EGFL6: variants seen among roughly 807,000 people sequenced by gnomAD.
EGFL6 encodes epidermal growth factor-like protein 6.
EGFL6 carries 42 observed loss-of-function variants against 43.1 expected under a neutral mutation model. The ratio of observed to expected loss-of-function variants is 0.98; its 90% CI spans 0.76 to 1.26. The LOEUF is 1.26. Ranked by LOEUF, EGFL6 falls within the 50% of genes most tolerant of loss-of-function variation. The pLI is 0.00. For synonymous variants in EGFL6, 164 were observed against 163.2 expected, an observed-to-expected ratio of 1.01 and a Z score of -0.04; for missense variants, 429 against 427.8, an observed-to-expected ratio of 1.00 and a Z score of -0.02.
intron 11 of EGFL6, among the ~76,000 whole-genome samples, chrX:13,631,601 G>T (rs1026708720): frequency 9.0e-6 from 1 of 110,584 alleles, no homozygotes; most frequent in Admixed American, 9.7e-5. Context: ...GGCCAACATG[G>T]TGAAACCCTG....
chrX:13,597,832 A>C (rs1352183724), intron 3 of EGFL6, among the ~76,000 whole-genome samples: 1 of 111,913 alleles, frequency 8.9e-6, no homozygotes, highest in East Asian at 2.8e-4. Flanking sequence ...TATACCCTTC[A>C]CCAGAGGTTT....
intron 5 of EGFL6, 88 bp downstream of exon 5, chrX:13,603,524 T>A (rs1434039116): frequency 9.8e-7 from 1 of 1,021,856 alleles, no homozygotes; most frequent in Non-Finnish European, 1.3e-6. Flanking sequence ...ACAATCAGCT[T>A]GTTGACTAGA....
At chrX:13,596,576 A>T (rs1401916530) in intron 3 of EGFL6, 1 of 112,156 alleles carries the variant, frequency 8.9e-6, no homozygotes, top group Non-Finnish European at 1.9e-5. Flanking sequence ...TGGGGGTCTC[A>T]CTATGTTGCC....
intron 11 of EGFL6, among the ~76,000 whole-genome samples, chrX:13,632,770 G>A (rs751299638): frequency 6.3e-5 from 7 of 111,231 alleles, no homozygotes; most frequent in African/African-American, 2.0e-4. Flanking sequence ...GCGTTTTTCA[G>A]AATCTATGTG....
At chrX:13,601,110 G>T (rs1320168739) in intron 4 of EGFL6, among the ~76,000 whole-genome samples, 2 of 111,445 alleles carry the variant, frequency 1.8e-5, no homozygotes, top group African/African-American at 6.5e-5. Flanking sequence ...TATATGCAGA[G>T]CCCTGTTGAG....
At chrX:13,605,399 C>T (rs2045654383) in intron 5 of EGFL6, among the ~76,000 whole-genome samples, 1 of 107,478 alleles carries the variant, frequency 9.3e-6, no homozygotes, top group Admixed American at 1.0e-4. Context: ...ATAGGGAGAC[C>T]CCATTTCTAC....
At chrX:13,619,503 A>T (rs1037757481) in intron 9 of EGFL6, among the ~76,000 whole-genome samples, 17 of 111,430 alleles carry the variant, frequency 1.5e-4, no homozygotes, top group Non-Finnish European at 2.4e-4. Flanking sequence ...GTTGAAGCAG[A>T]CTGTATATAT....
At position 13,619,243 on chromosome X, in the gene EGFL6, G is replaced by A. The variant is rs773440608; in HGVS notation, c.1183G>A (p.Asp395Asn). 1 of 1,203,148 alleles carries A rather than the reference G, an allele frequency of 8.3e-7. No homozygotes were observed. The highest frequency in any genetic ancestry group is 1.8e-5 in the South Asian group (1 of 56,735). Residue 395 changes from aspartate (D) to asparagine (N), a missense_variant and splice_region_variant, in exon 9 of 12, where the codon GAT becomes AAT. By Grantham distance (23) the Asp-to-Asn change is conservative. Transcript: ENST00000361306. Reference sequence around the variant, plus strand: ...GCTAACTTCCAAACTGGAACATAAAGGTAAATAATTCTTTCTCCCAAGTGT... The same window carrying A: ...GCTAACTTCCAAACTGGAACATAAAAGTAAATAATTCTTTCTCCCAAGTGT... ...KALTSKLEHK[D>N]LNISVDCSFN... is the part of the protein sequence containing the mutation.
chrX:13,599,638 A>G (rs890451423), intron 3 of EGFL6, among the ~76,000 whole-genome samples: 10 of 108,176 alleles, frequency 9.2e-5, no homozygotes, highest in African/African-American at 3.0e-4. Context: ...ATCTAGTATC[A>G]TGCTATTATG....
At chrX:13,615,401 T>G (rs2146702947) in intron 7 of EGFL6, among the ~76,000 whole-genome samples, 1 of 112,528 alleles carries the variant, frequency 8.9e-6, no homozygotes, top group South Asian at 3.6e-4. Flanking sequence ...TTTATGTTAC[T>G]GATTGCAAAA....
chrX:13,572,409 G>T (rs1406545409), intron 1 of EGFL6, among the ~76,000 whole-genome samples: 1 of 112,322 alleles, frequency 8.9e-6, no homozygotes, highest in Non-Finnish European at 1.9e-5. Flanking sequence ...AAGATTAATT[G>T]CTTCTGTTTC....
Position 13,618,038 on chromosome X carries a change from C to A in EGFL6, c.1087C>A (p.Arg363=), listed in dbSNP as rs148370744. ...LKNDIEERSL[R]GDVFFPKVNE... ...GAATGACATAGAGGAGCGAAGCCTG[C>A]GAGGAGATGTGTTTTGTGAGTGTTA... is the stretch of plus-strand genomic sequence containing the variant. The change falls in exon 8 of 12, where the codon CGA becomes AGA. Residue 363 remains arginine (R), a synonymous_variant. Coordinates refer to ENST00000361306, the MANE Select transcript of EGFL6 (RefSeq NM_015507.4). 1.7e-3 allele frequency: 2,053 copies of A among 1,186,788 alleles called. No homozygotes were observed. Among genetic ancestry groups the A allele is most frequent in the Non-Finnish European group, 2.2e-3 (1,913 of 883,581 alleles).
At chrX:13,632,308 T>G (rs1481024765) in intron 11 of EGFL6, among the ~76,000 whole-genome samples, 88 of 97,494 alleles carry the variant, frequency 9.0e-4, no homozygotes, top group African/African-American at 3.2e-3. Context: ...TTTTTTTTTT[T>G]TTTTTTTTTT....
intron 1 of EGFL6, among the ~76,000 whole-genome samples, chrX:13,588,970 C>T (rs2045548115): frequency 8.9e-6 from 1 of 111,992 alleles, no homozygotes. Flanking sequence ...AATTGGGTTT[C>T]CAGGAGGTCA....
chrX:13,580,953 C>CACTTGCT (rs1348310944), intron 1 of EGFL6, among the ~76,000 whole-genome samples: 1 of 111,895 alleles, frequency 8.9e-6, no homozygotes, highest in East Asian at 2.8e-4. Context: ...GTCTTGATAA[C>CACTTGCT]ACTTGCTTTA....
intron 1 of EGFL6, among the ~76,000 whole-genome samples, chrX:13,586,961 A>G (rs2045537126): frequency 8.9e-6 from 1 of 112,611 alleles, no homozygotes; most frequent in Non-Finnish European, 1.9e-5. Flanking sequence ...ACTAAGTTAA[A>G]GAAGCCAGAT....
intron 4 of EGFL6, among the ~76,000 whole-genome samples, chrX:13,601,607 G>C (rs1187068031): frequency 8.9e-6 from 1 of 111,898 alleles, no homozygotes; most frequent in Non-Finnish European, 1.9e-5. Flanking sequence ...TAGTGCACGG[G>C]CTCCTCCTTG....
Position 13,606,364 on chromosome X carries a change from G to C in EGFL6, c.521-15G>C. The C allele has an allele frequency of 3.3e-6, 4 of 1,207,508 alleles. No individual in the cohort carries two copies. Among genetic ancestry groups the C allele is most frequent in the Non-Finnish European group, 4.5e-6 (4 of 893,062 alleles). On this transcript the variant is annotated splice_polypyrimidine_tract_variant and intron_variant, in intron 5 of 11. Coordinates refer to ENST00000361306, the MANE Select transcript of EGFL6 (RefSeq NM_015507.4). ...TTCTTGCTATCACTGACACCTTCTG[G>C]TTTTTACACCCTAGATATTGATGAA... is the stretch of plus-strand genomic sequence containing the variant.
At chrX:13,604,629 T>G (rs981081797) in intron 5 of EGFL6, among the ~76,000 whole-genome samples, 1 of 112,202 alleles carries the variant, frequency 8.9e-6, no homozygotes, top group Non-Finnish European at 1.9e-5. Flanking sequence ...GTGCTTTGGT[T>G]CCTTTGTGGA....
Sources: allele counts gnomAD v4.1 joint callset (sites outside exome capture counted in the v4.1 genomes callset), GRCh38; gene constraint gnomAD v4.1.1; transcripts MANE v1.5; gene names NCBI Gene and HGNC (gene_info 2026-07-23, HGNC 2026-07-21).